The following B3GAT2 variants were observed in gnomAD, a reference collection of about 807,000 sequenced individuals.
B3GAT2 encodes beta-1,3-glucuronyltransferase 2.
B3GAT2 carries 26 observed loss-of-function variants against 27.8 expected under a neutral mutation model. The ratio of observed to expected loss-of-function variants is 0.93; its 90% CI spans 0.68 to 1.30. The LOEUF (loss-of-function observed/expected upper bound fraction) is 1.30, where lower values mean the gene tolerates loss of function less well. B3GAT2 is among the 50% of genes most tolerant of loss of function. The pLI, the probability that B3GAT2 is intolerant of heterozygous loss-of-function variation, is 0.00. For missense variants in B3GAT2, 458 were observed against 459.0 expected (o/e 1.00, Z 0.02); for synonymous variants, 218 against 195.1 (o/e 1.12, Z -0.98).
At position 70,859,337 on chromosome 6, in the gene B3GAT2, G is replaced by A. The variant is rs989473281; in HGVS notation, c.*2326C>T. On this transcript the variant is annotated 3_prime_UTR_variant, in exon 4 of 4. Transcript: ENST00000230053. ...CTGGCTCTTACTTCCAGATAATGCA[G>A]AAGGGTGATGCTGTTCTCCAGCACT... The A allele has an allele frequency of 3.9e-6, 6 of 1,547,776 alleles. No individual in the cohort carries two copies. The Admixed American group carries it at 9.9e-5, about 26-fold the overall frequency.
chr6:70,904,372 A>G (rs562259753), intron 1 of B3GAT2, among the ~76,000 whole-genome samples: 1 of 152,212 alleles, frequency 6.6e-6, no homozygotes, highest in Non-Finnish European at 1.5e-5. Flanking sequence ...CAAAATAAAA[A>G]CAAAATAATT....
chr6:70,948,873 T>C (rs544118344), intron 1 of B3GAT2, among the ~76,000 whole-genome samples: 93 of 152,220 alleles, frequency 6.1e-4, no homozygotes, highest in Non-Finnish European at 5.6e-4. Context: ...TATAGATCAA[T>C]GGAACAGAAC....
chr6:70,951,006 A>G (rs1474948334), intron 1 of B3GAT2, among the ~76,000 whole-genome samples: 2 of 152,186 alleles, frequency 1.3e-5, no homozygotes, highest in Non-Finnish European at 2.9e-5. Context: ...CTATGCATCT[A>G]TCTATGTACT....
chr6:70,861,564 A>AAAAC lies in B3GAT2; in HGVS notation c.*95_*98dup. 3.6e-6 allele frequency: 4 copies of AAAAC among 1,124,462 alleles called. No individual in the cohort carries two copies. Among genetic ancestry groups the AAAAC allele is most frequent in the Non-Finnish European group, 3.9e-6 (3 of 767,696 alleles). The allele number at this position is 1,124,462 out of a possible 1,614,324, so 69.7% of individuals were successfully genotyped here. A position where few individuals can be genotyped will look rare whatever the true frequency, so the allele number is the denominator to read the frequency against. ...ACAAGAAAGGCTGCTGTACTGAAGT[A>AAAAC]AAACAAACAATACCTGAATGCTCTG... On this transcript the variant is annotated 3_prime_UTR_variant, in exon 4 of 4. Transcript: ENST00000230053.
At position 70,869,959 on chromosome 6, in the gene B3GAT2, A is replaced by C. The variant is rs553082055; in HGVS notation, c.737-7981T>G. Among the ~76,000 whole-genome samples the C allele has an allele frequency of 5.5e-3, 842 of 151,966 alleles. 8 individuals are homozygous for C. Among genetic ancestry groups the C allele is most frequent in the African/African-American group, 0.019 (777 of 41,334 alleles). On this transcript the variant is annotated intron_variant, in intron 2 of 3. Transcript: ENST00000230053. ...CTGTTGGTGGGACTGTAAACTAGTA[A>C]AACCATTGTGGAAGTCAGTGTGGCG... is the stretch of plus-strand genomic sequence containing the variant.
At chr6:70,920,311 C>T (rs1240034573) in intron 1 of B3GAT2, among the ~76,000 whole-genome samples, 1 of 152,158 alleles carries the variant, frequency 6.6e-6, no homozygotes, top group Non-Finnish European at 1.5e-5. Flanking sequence ...TGTACTTTTC[C>T]TCTAGGTACA....
At chr6:70,901,539 T>C (rs1480642181) in intron 1 of B3GAT2, among the ~76,000 whole-genome samples, 1 of 152,206 alleles carries the variant, frequency 6.6e-6, no homozygotes, top group Non-Finnish European at 1.5e-5. Flanking sequence ...TGGACAAAGC[T>C]GGAATAATTT....
chr6:70,881,123 G>C (rs188071905), intron 2 of B3GAT2, among the ~76,000 whole-genome samples: 12 of 152,112 alleles, frequency 7.9e-5, no homozygotes, highest in Admixed American at 2.0e-4. Flanking sequence ...CTTCCAGGAG[G>C]GCTTTGGGAT....
intron 1 of B3GAT2, among the ~76,000 whole-genome samples, chr6:70,903,618 A>G (rs1252720599): frequency 6.6e-6 from 1 of 152,174 alleles, no homozygotes; most frequent in Non-Finnish European, 1.5e-5. Flanking sequence ...GTCATCACCC[A>G]TTACAGAAAT....
At chr6:70,954,582 G>A (rs1350391877) in intron 1 of B3GAT2, among the ~76,000 whole-genome samples, 2 of 152,138 alleles carry the variant, frequency 1.3e-5, no homozygotes, top group Non-Finnish European at 2.9e-5. Context: ...GAAGCAGTTA[G>A]GGTATCTGAT....
rs1772430946 is a variant in B3GAT2, at chr6:70,898,443, C to A, written c.592-4171G>T. ...TCAGACTCCTCTTTCCTGACATACT[C>A]AGAAAGTAAAAATATTTCAAATTTT... On this transcript the variant is annotated intron_variant, in intron 1 of 3. Coordinates refer to ENST00000230053, the MANE Select transcript of B3GAT2 (RefSeq NM_080742.3). 3.9e-5 allele frequency among the ~76,000 whole-genome samples: 6 copies of A among 152,284 alleles called. No homozygotes were observed. The South Asian group carries it at 1.0e-3, about 26-fold the overall frequency.
At position 70,861,008 on chromosome 6, in the gene B3GAT2, C is replaced by G. The variant is rs1275888267; in HGVS notation, c.*655G>C. 1.0e-5 allele frequency: 3 copies of G among 288,962 alleles called. No homozygotes were observed. Among genetic ancestry groups the G allele is most frequent in the Non-Finnish European group, 1.3e-5 (2 of 156,384 alleles). The allele number at this position is 288,962 out of a possible 1,614,324, so 17.9% of individuals were successfully genotyped here. ...ATAGTGCTAACATGAAGACCTTTTT[C>G]TGCACTATATGCAAACAGGGTAACT... On this transcript the variant is annotated 3_prime_UTR_variant, in exon 4 of 4. Coordinates refer to ENST00000230053, the MANE Select transcript of B3GAT2 (RefSeq NM_080742.3).
intron 1 of B3GAT2, among the ~76,000 whole-genome samples, chr6:70,905,093 T>C (rs905095029): frequency 6.6e-6 from 1 of 152,252 alleles, no homozygotes; most frequent in African/African-American, 2.4e-5. Context: ...TGTCTTTGTG[T>C]GAACTTATCA....
intron 1 of B3GAT2, among the ~76,000 whole-genome samples, chr6:70,933,105 T>C (rs1157832696): frequency 6.6e-6 from 1 of 152,200 alleles, no homozygotes; most frequent in African/African-American, 2.4e-5. Context: ...AGCTGCCATG[T>C]ACTTTTAAAT....
intron 1 of B3GAT2, among the ~76,000 whole-genome samples, chr6:70,945,222 A>G (rs1765459984): frequency 1.3e-5 from 2 of 152,222 alleles, no homozygotes; most frequent in Non-Finnish European, 2.9e-5. Flanking sequence ...AGCTGGACAG[A>G]GAATGACTTT....
chr6:70,873,428 G>A (rs771754805), intron 2 of B3GAT2, among the ~76,000 whole-genome samples: 1 of 146,478 alleles, frequency 6.8e-6, no homozygotes, highest in Non-Finnish European at 1.5e-5. Context: ...ATCAGTCTTT[G>A]TTAATAAACA....
chr6:70,943,071 G>A (rs1765419427), intron 1 of B3GAT2, among the ~76,000 whole-genome samples: 1 of 152,126 alleles, frequency 6.6e-6, no homozygotes, highest in Admixed American at 6.6e-5. Context: ...ACAAACTACT[G>A]CGTTTTTAGT....
intron 1 of B3GAT2, among the ~76,000 whole-genome samples, chr6:70,903,410 G>A (rs1772541966): frequency 6.6e-6 from 1 of 152,078 alleles, no homozygotes; most frequent in Non-Finnish European, 1.5e-5. Flanking sequence ...ATACTATTAG[G>A]AAAATTTTTA....
At chr6:70,932,437 T>C (rs969222798) in intron 1 of B3GAT2, among the ~76,000 whole-genome samples, 3 of 152,206 alleles carry the variant, frequency 2.0e-5, no homozygotes, top group Admixed American at 6.5e-5. Flanking sequence ...ATGTGGAATA[T>C]ACATATAATA....
Sources: gnomAD v4.1 joint callset for allele counts (sites outside exome capture counted in the v4.1 genomes callset) on GRCh38, gnomAD v4.1.1 for gene constraint, MANE v1.5 for transcripts, NCBI Gene and HGNC (gene_info 2026-07-23, HGNC 2026-07-21) for gene names.